The following POC1A variants were observed in gnomAD, a reference collection of about 807,000 sequenced individuals.
POC1A encodes the protein POC1 centriolar protein homolog A.
POC1A carries 34 observed loss-of-function variants against 47.8 expected under a neutral mutation model. The observed-to-expected ratio is 0.71, with a 90% CI of 0.54 to 0.95. The LOEUF (loss-of-function observed/expected upper bound fraction) is 0.95, where lower values mean the gene tolerates loss of function less well. POC1A is among the 40% of genes least tolerant of loss of function. The pLI is 0.00. For synonymous variants in POC1A, 177 were observed against 207.6 expected, an observed-to-expected ratio of 0.85 and a Z score of 1.27; for missense variants, 466 against 528.3, an observed-to-expected ratio of 0.88 and a Z score of 1.16.
chr3:52,105,334 T>C (rs969529777), intron 9 of POC1A, among the ~76,000 whole-genome samples: 1 of 152,240 alleles, frequency 6.6e-6, no homozygotes, highest in Non-Finnish European at 1.5e-5. Context: ...GACTGTTCAC[T>C]GTACAGCCTG....
intron 9 of POC1A, among the ~76,000 whole-genome samples, chr3:52,112,569 G>C (rs982502678): frequency 6.6e-6 from 1 of 152,144 alleles, no homozygotes; most frequent in Non-Finnish European, 1.5e-5. Context: ...TTGAACTCCG[G>C]AGGCAGAGGT....
intron 7 of POC1A, among the ~76,000 whole-genome samples, chr3:52,137,785 T>C (rs116435942): frequency 0.013 from 1,961 of 152,330 alleles, 44 homozygotes; most frequent in African/African-American, 0.045. Context: ...CCTCAGTCTC[T>C]AGACACACTG....
At chr3:52,120,242 A>C (rs1426667993) in intron 9 of POC1A, among the ~76,000 whole-genome samples, 1 of 57,694 alleles carries the variant, frequency 1.7e-5, no homozygotes, top group African/African-American at 7.9e-5. Context: ...TAAAATGGTA[A>C]ACTTTGTGTT....
intron 1 of POC1A, among the ~76,000 whole-genome samples, chr3:52,154,146 A>G (rs1698646118): frequency 6.6e-6 from 1 of 152,256 alleles, no homozygotes; most frequent in African/African-American, 2.4e-5. Context: ...TGTTCGCTCC[A>G]GAAACCCAGC....
chr3:52,077,519 T>C (rs920854088), intron 10 of POC1A, among the ~76,000 whole-genome samples: 1 of 152,178 alleles, frequency 6.6e-6, no homozygotes. Flanking sequence ...CTGGAAAAAT[T>C]GCTGCCCATG....
intron 10 of POC1A, among the ~76,000 whole-genome samples, chr3:52,089,382 C>T (rs887150424): frequency 2.0e-5 from 3 of 152,166 alleles, no homozygotes; most frequent in African/African-American, 7.2e-5. Context: ...TGTCTTGAGT[C>T]CCCTGTCCCC....
intron 9 of POC1A, among the ~76,000 whole-genome samples, chr3:52,118,479 G>C (rs1323619545): frequency 2.0e-5 from 3 of 152,324 alleles, no homozygotes; most frequent in Non-Finnish European, 4.4e-5. Flanking sequence ...TTCAGAGTGG[G>C]CTCAAGGACA....
At chr3:52,140,476 G>T (rs945265739) in intron 6 of POC1A, among the ~76,000 whole-genome samples, 2 of 152,186 alleles carry the variant, frequency 1.3e-5, no homozygotes, top group African/African-American at 4.8e-5. Flanking sequence ...CATGCTCAGG[G>T]AGCTCTGGGC....
chr3:52,136,272 GCT>G (rs1704458551), intron 7 of POC1A, among the ~76,000 whole-genome samples: 2 of 152,112 alleles, frequency 1.3e-5, no homozygotes, highest in African/African-American at 4.8e-5. Flanking sequence ...AGCCTCACAC[GCT>G]GACTCCCACC....
Position 52,096,690 on chromosome 3 carries a change from G to A in POC1A, c.1004C>T (p.Pro335Leu). 6.3e-7 allele frequency: 1 copy of A among 1,598,450 alleles called. No homozygotes were observed. Among genetic ancestry groups the A allele is most frequent in the Non-Finnish European group, 8.5e-7 (1 of 1,174,598 alleles). ...CTCCACACTCCTGCCTCTGCCTGGGGGGACAGGGAAGTCCACTTCTGGCTA... is the reference window on the plus strand; with the variant it reads ...CTCCACACTCCTGCCTCTGCCTGGGAGGACAGGGAAGTCCACTTCTGGCTA... ...GNLPEVDFPV[P>L]PGRGRSVESV... The change falls in exon 10 of 11, where the codon CCC becomes CTC. Residue 335 changes from proline to leucine, a missense_variant. Coordinates refer to ENST00000296484, the MANE Select transcript of POC1A (RefSeq NM_015426.5).
intron 9 of POC1A, among the ~76,000 whole-genome samples, chr3:52,104,127 T>C (rs1703091653): frequency 6.6e-6 from 1 of 152,204 alleles, no homozygotes; most frequent in Non-Finnish European, 1.5e-5. Context: ...GTATATCCAT[T>C]TGATTAAATA....
intron 4 of POC1A, 58 bp downstream of exon 4, chr3:52,149,152 G>A: frequency 6.5e-7 from 1 of 1,526,924 alleles, no homozygotes; most frequent in South Asian, 1.1e-5. Context: ...AGCAGCCCCT[G>A]GGCCAGCCCC....
chr3:52,119,174 G>A (rs2107076926), intron 9 of POC1A, among the ~76,000 whole-genome samples: 1 of 152,154 alleles, frequency 6.6e-6, no homozygotes, highest in African/African-American at 2.4e-5. Flanking sequence ...ACTCAAGGCT[G>A]CTGGAATAGT....
intron 9 of POC1A, among the ~76,000 whole-genome samples, chr3:52,108,615 A>G (rs1486537799): frequency 6.6e-6 from 1 of 152,192 alleles, no homozygotes; most frequent in Non-Finnish European, 1.5e-5. Flanking sequence ...ATCACAGGAC[A>G]CGAGCAAAGC....
Position 52,075,814 on chromosome 3 carries a change from C to G in POC1A, c.*73G>C. 1 of 1,110,816 alleles carries G rather than the reference C, an allele frequency of 9.0e-7. No individual in the cohort carries two copies. The highest frequency in any genetic ancestry group is 1.7e-5 in the Admixed American group (1 of 59,030). The allele number at this position is 1,110,816 out of a possible 1,614,324, so 68.8% of individuals were successfully genotyped here. On this transcript the variant is annotated 3_prime_UTR_variant, in exon 11 of 11. Transcript: ENST00000296484. The stretch of plus-strand genomic sequence containing the variant: ...CACAGAGTTCAGTCCCCTTTATTTA[C>G]CCAAGTCCCATGGTACAAATCCCTG...
At chr3:52,130,275 C>T (rs1704163349) in intron 7 of POC1A, among the ~76,000 whole-genome samples, 1 of 152,208 alleles carries the variant, frequency 6.6e-6, no homozygotes. Context: ...CTGAGGAGGC[C>T]CAACAGGCCT....
At position 52,138,243 on chromosome 3, in the gene POC1A, C is replaced by T. The variant is rs781292462; in HGVS notation, c.739G>A (p.Ala247Thr). The change falls in exon 7 of 11, where the codon GCC becomes ACC. Residue 247 changes from alanine to threonine, a missense_variant. Physicochemically the swap from Ala to Thr is moderately conservative, Grantham distance 58. Transcript: ENST00000296484. ...FHPSGNYLIT[A>T]SSDSTLKILD... ...ATCTTCAGGGTTGAGTCACTGGAGG[C>T]TGTGATCAGGTAGTTTCCCGACGGG... The T allele has an allele frequency of 4.3e-6, 7 of 1,614,154 alleles. No homozygotes were observed. The East Asian group carries it at 1.1e-4, about 26-fold the overall frequency.
chr3:52,116,732 G>A (rs1703578523), intron 9 of POC1A, among the ~76,000 whole-genome samples: 2 of 152,144 alleles, frequency 1.3e-5, no homozygotes, highest in South Asian at 2.1e-4. Context: ...GTCAGGGAGG[G>A]GAAAAGAACC....
intron 9 of POC1A, among the ~76,000 whole-genome samples, chr3:52,107,837 C>T (rs549043445): frequency 3.3e-5 from 5 of 152,328 alleles, no homozygotes; most frequent in African/African-American, 2.4e-5. Context: ...AATGATCAGA[C>T]CAGGAAACTA....
Sources: allele counts gnomAD v4.1 joint callset (sites outside exome capture counted in the v4.1 genomes callset), GRCh38; gene constraint gnomAD v4.1.1; transcripts MANE v1.5; gene names NCBI Gene and HGNC (gene_info 2026-07-23, HGNC 2026-07-21).